MCMBP: variants seen among roughly 807,000 people sequenced by gnomAD.
MCMBP encodes minichromosome maintenance complex binding protein.
In MCMBP, 31 loss-of-function variants were observed where a neutral mutation model predicts 81.3. That is an observed-to-expected ratio of 0.38 (90% confidence interval 0.29 to 0.51). The LOEUF (loss-of-function observed/expected upper bound fraction) is 0.51, where lower values mean the gene tolerates loss of function less well. Among genes scored for constraint, MCMBP ranks in the 20% least tolerant of loss-of-function variants. The probability of loss-of-function intolerance (pLI) is 0.87; values close to 1 mark genes in which losing one functional copy is unlikely to be tolerated. For missense variants in MCMBP, 645 were observed against 772.1 expected (o/e 0.84, Z 1.95); for synonymous variants, 267 against 275.9 (o/e 0.97, Z 0.32).
intron 1 of MCMBP, among the ~76,000 whole-genome samples, chr10:119,867,727 T>G (rs576553175): frequency 2.6e-5 from 4 of 152,206 alleles, no homozygotes. Context: ...ACTGAGTTGC[T>G]TGGATTCCTG....
chr10:119,832,432 T>C (rs1175517799), intron 14 of MCMBP, among the ~76,000 whole-genome samples: 1 of 152,142 alleles, frequency 6.6e-6, no homozygotes, highest in Non-Finnish European at 1.5e-5. Context: ...AATCAGCTTT[T>C]TAAAAACTAG....
At position 119,835,622 on chromosome 10, in the gene MCMBP, A is replaced by G; in HGVS notation, c.1625T>C (p.Leu542Pro). The G allele has an allele frequency of 2.5e-6, 4 of 1,614,242 alleles. No homozygotes were observed. The highest frequency in any genetic ancestry group is 3.4e-6 in the Non-Finnish European group (4 of 1,180,020). The change falls in exon 14 of 16, where the codon CTG becomes CCG. Residue 542 changes from leucine (L) to proline (P), a missense_variant. Physicochemically the swap from Leu to Pro is moderately conservative, Grantham distance 98 (BLOSUM62 -3). Coordinates refer to ENST00000369077, the MANE Select transcript of MCMBP (RefSeq NM_001256378.2). Reference sequence around the variant, plus strand: ...GCGGAATTTGTTCAGCACGGAAGGCAGCACCGCTGAGAGAAGGCTGTTCAT... The same window carrying G: ...GCGGAATTTGTTCAGCACGGAAGGCGGCACCGCTGAGAGAAGGCTGTTCAT... Reference protein sequence around the residue: ...EYMNSLLSAVLPSVLNKFRIY... With the variant: ...EYMNSLLSAVPPSVLNKFRIY...
At chr10:119,840,325 A>G (rs1027476703) in intron 11 of MCMBP, among the ~76,000 whole-genome samples, 5 of 152,170 alleles carry the variant, frequency 3.3e-5, no homozygotes, top group African/African-American at 1.2e-4. Context: ...TTTCCAAAGA[A>G]GTGATCAGTA....
intron 5 of MCMBP, among the ~76,000 whole-genome samples, chr10:119,857,088 T>C (rs1185839287): frequency 1.7e-5 from 2 of 116,464 alleles, no homozygotes; most frequent in African/African-American, 6.6e-5. Flanking sequence ...TGACAGTGAG[T>C]CCCTATCTCA....
Position 119,835,662 on chromosome 10 carries a change from T to C in MCMBP, c.1585A>G (p.Asn529Asp), listed in dbSNP as rs768473357. 3 of 1,614,070 alleles carry C rather than the reference T, an allele frequency of 1.9e-6. No homozygotes were observed. Among genetic ancestry groups the C allele is most frequent in the Admixed American group, 1.7e-5 (1 of 60,000 alleles). The change falls in exon 14 of 16, where the codon AAC becomes GAC. Residue 529 changes from asparagine (N) to aspartate (D), a missense_variant. Coordinates refer to ENST00000369077, the MANE Select transcript of MCMBP (RefSeq NM_001256378.2). Reference sequence around the variant, plus strand: ...AGGCTGTTCATGTACTCCTCCATGTTTGGTGGAATTAGCTGGGGCTGTAAG... The same window carrying C: ...AGGCTGTTCATGTACTCCTCCATGTCTGGTGGAATTAGCTGGGGCTGTAAG... ...IHLQPQLIPP[N>D]MEEYMNSLLS...
In MCMBP at chr10:119,855,097, T is replaced by G. The variant is rs1278896118; in HGVS notation, c.430-1903A>C. ...ACGACTGTTAAAAACAAAAATAGTA[T>G]GTTGTGAGCTGTATAATCTAAGGAT... On this transcript the variant is annotated intron_variant, in intron 5 of 15. Transcript: ENST00000369077. Among the ~76,000 whole-genome samples, 3 of 152,214 alleles carry G rather than the reference T, an allele frequency of 2.0e-5. 1 individual carries two copies. Among genetic ancestry groups the G allele is most frequent in the Admixed American group, 6.5e-5 (1 of 15,280 alleles).
chr10:119,832,041 A>G lies in MCMBP; in HGVS notation c.1767T>C (p.Asp589=). The part of the protein sequence containing the change: ...RKNDPQSITA[D]DLHQLLVVAR... ...CCACCACGAGCAGCTGGTGAAGATC[A>G]TCAGCAGTGATGCTCTGAGGGTCGT... Residue 589 remains aspartate (D), a synonymous_variant, in exon 15 of 16, where the codon GAT becomes GAC. Transcript: ENST00000369077. 1 of 1,613,108 alleles carries G rather than the reference A, an allele frequency of 6.2e-7. No homozygotes were observed. Among genetic ancestry groups the G allele is most frequent in the Non-Finnish European group, 8.5e-7 (1 of 1,179,758 alleles).
chr10:119,868,927 T>C (rs998923812), intron 1 of MCMBP, among the ~76,000 whole-genome samples: 6 of 152,008 alleles, frequency 3.9e-5, no homozygotes, highest in Admixed American at 3.9e-4. Flanking sequence ...GGGTACGCAG[T>C]GATAAAGTCT....
intron 1 of MCMBP, among the ~76,000 whole-genome samples, chr10:119,869,312 G>A (rs922308830): frequency 1.2e-4 from 19 of 152,158 alleles, no homozygotes; most frequent in Non-Finnish European, 1.8e-4. Flanking sequence ...GGTGGCTCAC[G>A]CCTACAATCC....
chr10:119,840,576 A>G (rs1333762184), intron 11 of MCMBP, among the ~76,000 whole-genome samples: 1 of 152,236 alleles, frequency 6.6e-6, no homozygotes, highest in African/African-American at 2.4e-5. Context: ...AAATTGGACA[A>G]ATTGGTATCA....
intron 1 of MCMBP, among the ~76,000 whole-genome samples, chr10:119,867,505 C>T (rs1853514327): frequency 6.6e-6 from 1 of 152,038 alleles, no homozygotes; most frequent in African/African-American, 2.4e-5. Flanking sequence ...ATAACAGTCA[C>T]GATTGTCCTA....
intron 8 of MCMBP, 73 bp from the exon 9 acceptor site, chr10:119,843,499 GA>G: frequency 6.9e-7 from 1 of 1,458,642 alleles, no homozygotes; most frequent in South Asian, 1.3e-5. Flanking sequence ...GTGCATCTTG[GA>G]AAACAAAATT....
chr10:119,850,014 T>C (rs569561889), intron 6 of MCMBP, among the ~76,000 whole-genome samples: 1 of 152,308 alleles, frequency 6.6e-6, no homozygotes, highest in African/African-American at 2.4e-5. Context: ...CTTATTAATA[T>C]CCAGTATGTA....
At chr10:119,839,543 C>A (rs1779381900) in intron 11 of MCMBP, among the ~76,000 whole-genome samples, 1 of 152,112 alleles carries the variant, frequency 6.6e-6, no homozygotes, top group Non-Finnish European at 1.5e-5. Context: ...TGGTCTTCTA[C>A]CTAAACTCTG....
chr10:119,865,439 AAAGTT>A (rs1853418281), intron 1 of MCMBP, among the ~76,000 whole-genome samples: 1 of 152,152 alleles, frequency 6.6e-6, no homozygotes, highest in African/African-American at 2.4e-5. Context: ...TAAAAATACA[AAAGTT>A]AGCTGGGCTT....
chr10:119,841,679 G>C (rs897395729), intron 10 of MCMBP, among the ~76,000 whole-genome samples: 1 of 152,228 alleles, frequency 6.6e-6, no homozygotes, highest in Non-Finnish European at 1.5e-5. Context: ...GTTCTAAGTG[G>C]TGAAATTACA....
chr10:119,831,726 TACAC>T lies in MCMBP; in HGVS notation c.1797-130_1797-127del, dbSNP rs1012702439. On this transcript the variant is annotated intron_variant, in intron 15 of 15. Coordinates refer to ENST00000369077, the MANE Select transcript of MCMBP (RefSeq NM_001256378.2). ...TTAGGAGACAAGACCGTATGGTAGT[TACAC>T]ACAAGTCAACAGCCAAGTTAGGCTT... 4.5e-6 allele frequency: 5 copies of T among 1,118,304 alleles called. No individual in the cohort carries two copies. In the African/African-American group the frequency reaches 4.7e-5, roughly 11 times the overall value. The allele number at this position is 1,118,304 out of a possible 1,614,324, so 69.3% of individuals were successfully genotyped here.
At chr10:119,841,484 T>C (rs1485803278) in intron 10 of MCMBP, among the ~76,000 whole-genome samples, 3 of 152,246 alleles carry the variant, frequency 2.0e-5, no homozygotes, top group Admixed American at 1.3e-4. Context: ...ATGGTACAAC[T>C]GCATAGTGAA....
At chr10:119,836,441 T>C (rs1290638413) in intron 13 of MCMBP, among the ~76,000 whole-genome samples, 1 of 152,230 alleles carries the variant, frequency 6.6e-6, no homozygotes, top group African/African-American at 2.4e-5. Flanking sequence ...AAAAGCTCTC[T>C]TTACCAGCCA....
Sources: gnomAD v4.1 joint callset for allele counts (sites outside exome capture counted in the v4.1 genomes callset) on GRCh38, gnomAD v4.1.1 for gene constraint, MANE v1.5 for transcripts, NCBI Gene and HGNC (gene_info 2026-07-23, HGNC 2026-07-21) for gene names.